Variants in MYO5A observed in about 807,000 individuals in gnomAD.
MYO5A encodes the protein unconventional myosin-Va.
MYO5A carries 98 observed loss-of-function variants against 249.7 expected under a neutral mutation model. The ratio of observed to expected loss-of-function variants is 0.39; its 90% CI spans 0.33 to 0.46. MYO5A has a LOEUF of 0.46. Among genes scored for constraint, MYO5A ranks in the 20% least tolerant of loss-of-function variants. The pLI is 0.98. For synonymous variants in MYO5A, 778 were observed against 810.6 expected (o/e 0.96, Z 0.68); for missense variants, 1,696 against 2,308.8 (o/e 0.73, Z 5.44).
In MYO5A at chr15:52,321,553, G is replaced by A. The variant is rs2038313649; in HGVS notation, c.4801-44C>T. ...GTTAATGATACACATGAAGTAACCT[G>A]TCTCTTCAGTTTAACTATCTCCAAT... On this transcript the variant is annotated intron_variant, in intron 37 of 41. Coordinates refer to ENST00000399233, the MANE Select transcript of MYO5A (RefSeq NM_001382347.1). The A allele has an allele frequency of 2.5e-6, 4 of 1,599,700 alleles. No individual in the cohort carries two copies. The South Asian group carries it at 3.3e-5, about 13-fold the overall frequency.
intron 16 of MYO5A, among the ~76,000 whole-genome samples, chr15:52,381,622 ACTATGT>A (rs2041741633): frequency 6.6e-6 from 1 of 152,224 alleles, no homozygotes; most frequent in Non-Finnish European, 1.5e-5. Flanking sequence ...AAATAAATAT[ACTATGT>A]CTACACAATG....
chr15:52,345,829 G>A (rs1350209929), intron 30 of MYO5A, among the ~76,000 whole-genome samples: 1 of 152,118 alleles, frequency 6.6e-6, no homozygotes, highest in Non-Finnish European at 1.5e-5. Flanking sequence ...AGACTTTGCT[G>A]GGAAGGAGGG....
intron 24 of MYO5A, among the ~76,000 whole-genome samples, chr15:52,360,645 G>A (rs1012400862): frequency 3.3e-5 from 5 of 152,140 alleles, no homozygotes; most frequent in Non-Finnish European, 7.4e-5. Flanking sequence ...CGGGAGGTAA[G>A]AAAGCTGCTC....
chr15:52,409,555 T>C (rs748095169), intron 6 of MYO5A, among the ~76,000 whole-genome samples: 2 of 152,144 alleles, frequency 1.3e-5, no homozygotes, highest in Non-Finnish European at 2.9e-5. Context: ...TTCAAACCTA[T>C]GACAGACCTG....
intron 34 of MYO5A, among the ~76,000 whole-genome samples, chr15:52,333,330 T>C (rs1312436628): frequency 1.3e-5 from 2 of 152,166 alleles, no homozygotes; most frequent in African/African-American, 2.4e-5. Flanking sequence ...AATTGGAAAG[T>C]TTTAAAAAAA....
chr15:52,363,091 A>C (rs757933712), intron 24 of MYO5A, among the ~76,000 whole-genome samples: 6 of 152,228 alleles, frequency 3.9e-5, no homozygotes, highest in Non-Finnish European at 8.8e-5. Context: ...AGAAACACCT[A>C]CTGGGTTATA....
chr15:52,323,514 A>G, intron 36 of MYO5A, 70 bp from the exon 37 acceptor site: 1 of 1,088,830 alleles, frequency 9.2e-7, no homozygotes, highest in Non-Finnish European at 1.4e-6. Flanking sequence ...AATTGAACAG[A>G]TACCAAAAGA....
chr15:52,358,818 T>G (rs1438299968), intron 25 of MYO5A, among the ~76,000 whole-genome samples: 3 of 152,076 alleles, frequency 2.0e-5, no homozygotes, highest in Non-Finnish European at 4.4e-5. Flanking sequence ...AAACTTGAGA[T>G]CATTTATTAC....
At chr15:52,465,723 G>A (rs922551028) in intron 1 of MYO5A, among the ~76,000 whole-genome samples, 2 of 152,160 alleles carry the variant, frequency 1.3e-5, no homozygotes, top group African/African-American at 4.8e-5. Flanking sequence ...TTAAGAAAAA[G>A]ATACATCTTG....
At chr15:52,485,254 C>T (rs1373517689) in intron 1 of MYO5A, among the ~76,000 whole-genome samples, 2 of 122,218 alleles carry the variant, frequency 1.6e-5, no homozygotes, top group Non-Finnish European at 3.3e-5. Flanking sequence ...AAAGAATTCA[C>T]TATGTAAAAA....
intron 31 of MYO5A, among the ~76,000 whole-genome samples, chr15:52,342,250 T>C (rs1461837209): frequency 1.3e-5 from 2 of 151,974 alleles, no homozygotes; most frequent in African/African-American, 4.8e-5. Flanking sequence ...TCCCAGTTAC[T>C]CAGGAGGCTG....
At chr15:52,416,381 G>T in intron 4 of MYO5A, 80 bp from the exon 5 acceptor site, 1 of 1,443,838 alleles carries the variant, frequency 6.9e-7, no homozygotes, top group Non-Finnish European at 9.6e-7. Context: ...TGGTCTCTAT[G>T]GAAGTAGGGG....
Position 52,408,941 on chromosome 15 carries a change from G to T in MYO5A, c.757-801C>A, listed in dbSNP as rs1017377619. On this transcript the variant is annotated intron_variant, in intron 6 of 41. Transcript: ENST00000399233. ...CCAGTATACCAATGACCACAAGCAT[G>T]ATTAAACAGGAGACCAGGTGGTTCA... 3.3e-5 allele frequency among the ~76,000 whole-genome samples: 5 copies of T among 152,262 alleles called. No individual in the cohort carries two copies. In the South Asian group the frequency reaches 1.0e-3, roughly 32 times the overall value.
At chr15:52,512,387 G>A (rs2077409623) in intron 1 of MYO5A, among the ~76,000 whole-genome samples, 1 of 151,818 alleles carries the variant, frequency 6.6e-6, no homozygotes, top group Admixed American at 6.6e-5. Flanking sequence ...ACATATGACT[G>A]ATTAATGCAA....
At chr15:52,493,152 C>T (rs1215669195) in intron 1 of MYO5A, among the ~76,000 whole-genome samples, 1 of 152,018 alleles carries the variant, frequency 6.6e-6, no homozygotes, top group African/African-American at 2.4e-5. Flanking sequence ...GCCTTTTGTC[C>T]AAGAAAAACT....
At chr15:52,475,683 T>C (rs1022222921) in intron 1 of MYO5A, among the ~76,000 whole-genome samples, 6 of 152,210 alleles carry the variant, frequency 3.9e-5, no homozygotes, top group Admixed American at 6.5e-5. Flanking sequence ...TCAGTTTCCA[T>C]GTAGTTGTGT....
intron 21 of MYO5A, among the ~76,000 whole-genome samples, chr15:52,371,876 T>C (rs2041136265): frequency 9.7e-6 from 1 of 103,238 alleles, no homozygotes; most frequent in Non-Finnish European, 1.9e-5. Flanking sequence ...TCTCAAATAA[T>C]AGTAATAATA....
At chr15:52,505,984 A>C (rs2077261778) in intron 1 of MYO5A, 9 of 834,266 alleles carry the variant, frequency 1.1e-5, no homozygotes, top group Non-Finnish European at 1.4e-5. Context: ...GAGGCTGAGG[A>C]GGGCAGATAT....
intron 21 of MYO5A, 120 bp downstream of exon 21, chr15:52,372,004 G>T: frequency 7.0e-7 from 1 of 1,429,474 alleles, no homozygotes; most frequent in Non-Finnish European, 9.8e-7. Flanking sequence ...AATAAATACG[G>T]TCATAATTTT....
Sources: allele counts gnomAD v4.1 joint callset (sites outside exome capture counted in the v4.1 genomes callset), GRCh38; gene constraint gnomAD v4.1.1; transcripts MANE v1.5; gene names NCBI Gene and HGNC (gene_info 2026-07-23, HGNC 2026-07-21).